The following E2F7 variants were observed in gnomAD, a reference collection of about 807,000 sequenced individuals.
The protein encoded by E2F7 is transcription factor E2F7.
In E2F7, 35 loss-of-function variants were observed where a neutral mutation model predicts 81.1. The observed-to-expected ratio is 0.43, with a 90% CI of 0.33 to 0.57. The LOEUF is 0.57. Ranked by LOEUF, E2F7 falls within the 20% of genes least tolerant of loss-of-function variation. E2F7 has a pLI of 0.04. For missense variants in E2F7, 961 were observed against 1,093.7 expected (o/e 0.88, Z 1.71); for synonymous variants, 416 against 416.2 (o/e 1.00, Z 0.01).
In E2F7 at chr12:77,023,857, C is replaced by G. The variant is rs1024308226; in HGVS notation, c.*158G>C. The G allele has an allele frequency of 2.2e-6, 2 of 896,124 alleles. No individual in the cohort carries two copies. Among genetic ancestry groups the G allele is most frequent in the African/African-American group, 1.7e-5 (1 of 59,646 alleles). 55.5% of individuals were successfully genotyped at this position (896,124 alleles called of 1,614,324 possible). A position where few individuals can be genotyped will look rare whatever the true frequency, so the allele number is the denominator to read the frequency against. Reference sequence around the variant, plus strand: ...TATTAAATGCACAATTAATTACTTTCAGGAAATCAGATGATTGATGGTGGT... The same window carrying G: ...TATTAAATGCACAATTAATTACTTTGAGGAAATCAGATGATTGATGGTGGT... On this transcript the variant is annotated 3_prime_UTR_variant, in exon 13 of 13. Coordinates refer to ENST00000322886, the MANE Select transcript of E2F7 (RefSeq NM_203394.3).
Position 77,023,393 on chromosome 12 carries a change from C to T in E2F7, c.*622G>A, listed in dbSNP as rs2120596753. The T allele has an allele frequency of 6.5e-6, 1 of 152,784 alleles. No homozygotes were observed. Among genetic ancestry groups the T allele is most frequent in the East Asian group, 1.9e-4 (1 of 5,186 alleles). The allele number at this position is 152,784 out of a possible 1,614,324, so 9.5% of individuals were successfully genotyped here. A position where few individuals can be genotyped will look rare whatever the true frequency, so the allele number is the denominator to read the frequency against. On this transcript the variant is annotated 3_prime_UTR_variant, in exon 13 of 13. Transcript: ENST00000322886. ...TGTGTCATGTAGATACATTTATCCA[C>T]ATTATTACTAGGTTGTAAAATAAGT...
intron 9 of E2F7, 73 bp downstream of exon 9, chr12:77,032,977 G>T: frequency 1.4e-6 from 2 of 1,414,138 alleles, no homozygotes; most frequent in African/African-American, 1.4e-5. Flanking sequence ...TTGATGGGTG[G>T]CACTGCAATT....
At chr12:77,057,615 G>A (rs1413448386) in intron 2 of E2F7, among the ~76,000 whole-genome samples, 1 of 152,156 alleles carries the variant, frequency 6.6e-6, no homozygotes, top group Non-Finnish European at 1.5e-5. Context: ...CGTTGATGTA[G>A]ACTGTCTTAA....
Position 77,025,609 on chromosome 12 carries a change from A to G in E2F7, c.2514T>C (p.Pro838=), listed in dbSNP as rs768466912. The G allele has an allele frequency of 6.2e-6, 10 of 1,614,090 alleles. No homozygotes were observed. The East Asian group carries it at 1.8e-4, about 29-fold the overall frequency. The part of the protein sequence containing the change: ...MSRSHSVVQQ[P]ESPVYVGHPV... ...GATGTCCCACGTAAACGGGGGACTC[A>G]GGTTGTTGGACGACACTGTGTGACC... is the stretch of plus-strand genomic sequence containing the variant. Residue 838 remains proline (P), a synonymous_variant, in exon 12 of 13, where the codon CCT becomes CCC. Coordinates refer to ENST00000322886, the MANE Select transcript of E2F7 (RefSeq NM_203394.3).
chr12:77,028,051 G>A lies in E2F7; in HGVS notation c.1972C>T (p.Gln658Ter). Reference sequence around the variant, plus strand: ...GAAATCTCTTCTGCAGCAGGGAGTTGGCCATTCACATGAATGTCTTTGAGG... The same window carrying A: ...GAAATCTCTTCTGCAGCAGGGAGTTAGCCATTCACATGAATGTCTTTGAGG... ...IPLKDIHVNG[Q>*]LPAAEEISGK... is the part of the protein sequence containing the mutation. The change falls in exon 11 of 13, where the codon CAA becomes TAA. Residue 658 changes from glutamine (Q) to a stop codon, truncating the protein, a stop_gained. Coordinates refer to ENST00000322886, the MANE Select transcript of E2F7 (RefSeq NM_203394.3). LOFTEE classifies it high-confidence loss of function. 1 of 1,614,136 alleles carries A rather than the reference G, an allele frequency of 6.2e-7. No homozygotes were observed. Among genetic ancestry groups the A allele is most frequent in the South Asian group, 1.1e-5 (1 of 91,086 alleles).
chr12:77,042,902 A>G (rs983751325), intron 7 of E2F7, among the ~76,000 whole-genome samples, 163 bp downstream of exon 7: 1 of 152,218 alleles, frequency 6.6e-6, no homozygotes, highest in African/African-American at 2.4e-5. Flanking sequence ...CAGCATGCAC[A>G]ATTTGTAGGC....
Position 77,046,230 on chromosome 12 carries a change from G to C in E2F7, c.637C>G (p.His213Asp), listed in dbSNP as rs1393758631. ...TTCCTCAGGGTTTTTGGCAGGCTGT[G>C]CCGTCCATGCCAGCCATACTGATTC... ...AKNQYGWHGR[H>D]SLPKTLRNLQ... is the part of the protein sequence containing the mutation. Residue 213 changes from histidine (H) to aspartate (D), a missense_variant, in exon 5 of 13, where the codon CAC becomes GAC. Physicochemically the swap from His to Asp is moderately conservative, Grantham distance 81. This residue lies in a region of E2F7 where 301 missense variants were observed against 405.0 expected (regional missense o/e 0.74). Transcript: ENST00000322886. 1 of 1,614,168 alleles carries C rather than the reference G, an allele frequency of 6.2e-7. No individual in the cohort carries two copies. The highest frequency in any genetic ancestry group is 1.1e-5 in the South Asian group (1 of 91,090).
At chr12:77,062,912 T>G (rs1195309285) in intron 2 of E2F7, among the ~76,000 whole-genome samples, 1 of 151,292 alleles carries the variant, frequency 6.6e-6, no homozygotes, top group East Asian at 1.9e-4. Flanking sequence ...AAGGCCACTT[T>G]AAATAATCTT....
At chr12:77,026,404 GCAGTCGTCC>G (rs1954760479) in intron 11 of E2F7, among the ~76,000 whole-genome samples, 1 of 152,142 alleles carries the variant, frequency 6.6e-6, no homozygotes, top group Non-Finnish European at 1.5e-5. Flanking sequence ...CTGGGCTCAA[GCAGTCGTCC>G]CATTTCAGTC....
At chr12:77,031,280 A>G (rs1024707806) in intron 9 of E2F7, among the ~76,000 whole-genome samples, 3 of 152,202 alleles carry the variant, frequency 2.0e-5, no homozygotes, top group Non-Finnish European at 4.4e-5. Flanking sequence ...AAAATTTCCA[A>G]ATATTTAAAA....
In E2F7 at chr12:77,034,697, C is replaced by A. The variant is rs559191488; in HGVS notation, c.1124-655G>T. Among the ~76,000 whole-genome samples the A allele has an allele frequency of 1.8e-4, 28 of 152,306 alleles. No homozygotes were observed. In the East Asian group the frequency reaches 4.8e-3, roughly 26 times the overall value. On this transcript the variant is annotated intron_variant, in intron 7 of 12. Coordinates refer to ENST00000322886, the MANE Select transcript of E2F7 (RefSeq NM_203394.3). ...ACACAACTTTCTATATAGACTGAGG[C>A]AGCTATCCTTGTTGTACAGACAGTC... is the stretch of plus-strand genomic sequence containing the variant.
Position 77,055,936 on chromosome 12 carries a change from T to C in E2F7, c.288A>G (p.Pro96=). Residue 96 remains proline, a synonymous_variant, in exon 3 of 13, where the codon CCA becomes CCG. Coordinates refer to ENST00000322886, the MANE Select transcript of E2F7 (RefSeq NM_203394.3). ...TTTTCTTCTCCCGGTCCCTTATATC[T>C]GGGCTGGCAGCACTAATGAGCATCT... ...NLKMLISAAS[P]DIRDREKKKG... The C allele has an allele frequency of 6.2e-7, 1 of 1,614,148 alleles. No individual in the cohort carries two copies. Among genetic ancestry groups the C allele is most frequent in the Non-Finnish European group, 8.5e-7 (1 of 1,180,014 alleles).
intron 2 of E2F7, among the ~76,000 whole-genome samples, chr12:77,059,299 C>A (rs1007925357): frequency 5.3e-5 from 8 of 152,126 alleles, no homozygotes; most frequent in Non-Finnish European, 1.5e-5. Context: ...TCTAGTCACA[C>A]CTTGCTCCAT....
At chr12:77,024,861 G>C (rs577222220) in intron 12 of E2F7, among the ~76,000 whole-genome samples, 1 of 152,214 alleles carries the variant, frequency 6.6e-6, no homozygotes, top group African/African-American at 2.4e-5. Flanking sequence ...AATATTTTTG[G>C]CTAAACATAA....
At position 77,052,586 on chromosome 12, in the gene E2F7, A is replaced by G. The variant is rs12579797; in HGVS notation, c.370-1842T>C. On this transcript the variant is annotated intron_variant, in intron 3 of 12. Coordinates refer to ENST00000322886, the MANE Select transcript of E2F7 (RefSeq NM_203394.3). ...AAGGATTTCATGTAAAGCAAATTTT[A>G]AATGAAGAAAATGAAGGAGAATATT... Among the ~76,000 whole-genome samples, 170 of 152,306 alleles carry G rather than the reference A, an allele frequency of 1.1e-3. 2 individuals carry two copies. In the East Asian group the frequency reaches 0.027, roughly 24 times the overall value.
At position 77,025,882 on chromosome 12, in the gene E2F7, G is replaced by T. The variant is rs1309987002; in HGVS notation, c.2241C>A (p.Val747=). ...AAGGGCCCAGAGGTGGAGATGGTAA[G>T]ACCATGCAAGGGACACTGAAAGACG... ...QLPSFSVPCM[V]LPSPPLGPFP... The change falls in exon 12 of 13, where the codon GTC becomes GTA. Residue 747 remains valine (V), a synonymous_variant. Transcript: ENST00000322886. 1 of 1,614,152 alleles carries T rather than the reference G, an allele frequency of 6.2e-7. No homozygotes were observed. Among genetic ancestry groups the T allele is most frequent in the Non-Finnish European group, 8.5e-7 (1 of 1,180,010 alleles).
At position 77,056,143 on chromosome 12, in the gene E2F7, A is replaced by G. The variant is rs755720209; in HGVS notation, c.94-13T>C. On this transcript the variant is annotated splice_polypyrimidine_tract_variant and intron_variant, in intron 2 of 12. Coordinates refer to ENST00000322886, the MANE Select transcript of E2F7 (RefSeq NM_203394.3). The stretch of plus-strand genomic sequence containing the variant: ...CAAATATATTTTCCTATTTTAAAAA[A>G]GAAACTTTTAGCAAGAATGAGAAAG... 3.8e-6 allele frequency: 6 copies of G among 1,576,960 alleles called. No individual in the cohort carries two copies. In the South Asian group the frequency reaches 6.0e-5, roughly 16 times the overall value.
chr12:77,035,158 G>A (rs1954838475), intron 7 of E2F7, among the ~76,000 whole-genome samples: 1 of 152,138 alleles, frequency 6.6e-6, no homozygotes, highest in Non-Finnish European at 1.5e-5. Flanking sequence ...TTCTAGGTTG[G>A]GATGAAGGGA....
intron 11 of E2F7, among the ~76,000 whole-genome samples, chr12:77,026,621 C>T (rs1954762086): frequency 6.6e-6 from 1 of 152,078 alleles, no homozygotes; most frequent in Admixed American, 6.5e-5. Context: ...TTATAAGTTC[C>T]TAACTGAAAA....
Sources: allele counts gnomAD v4.1 joint callset (sites outside exome capture counted in the v4.1 genomes callset), GRCh38; gene constraint gnomAD v4.1.1; regional missense constraint gnomAD v4.1.1; transcripts MANE v1.5; gene names NCBI Gene and HGNC (gene_info 2026-07-23, HGNC 2026-07-21).